Variants in PDE4D observed in about 807,000 individuals in gnomAD.
The protein encoded by PDE4D is phosphodiesterase 4D, also known as 3',5'-cyclic-AMP phosphodiesterase 4D.
PDE4D carries 24 observed loss-of-function variants against 87.4 expected under a neutral mutation model. The ratio of observed to expected loss-of-function variants is 0.27; its 90% CI spans 0.20 to 0.39. The LOEUF (loss-of-function observed/expected upper bound fraction) is 0.39. PDE4D is among the 10% of genes least tolerant of loss of function. PDE4D has a pLI of 1.00. For missense variants in PDE4D, 714 were observed against 1,041.0 expected (o/e 0.69, Z 4.32); for synonymous variants, 384 against 383.2 (o/e 1.00, Z -0.02).
chr5:59,200,015 A>G (rs1443733699), intron 2 of PDE4D, among the ~76,000 whole-genome samples: 1 of 125,804 alleles, frequency 7.9e-6, no homozygotes, highest in African/African-American at 2.5e-5. Context: ...ACATACATAC[A>G]TGCACATATA....
intron 3 of PDE4D, among the ~76,000 whole-genome samples, chr5:59,933,996 T>G (rs1389394783): frequency 6.6e-6 from 1 of 152,132 alleles, no homozygotes; most frequent in Non-Finnish European, 1.5e-5. Flanking sequence ...TCTTTTTATT[T>G]TTTTTGAGAC....
In PDE4D at chr5:60,505,944, A is replaced by G. The variant is rs147127152; in HGVS notation, n.70+16107T>C. ...TATGCTGCCTGTCTCTAGCCCAGTC[A>G]GGAAGCAGCTGAAAAGCCCACACAG... On this transcript the variant is annotated intron_variant and non_coding_transcript_variant, in intron 1 of 2. Transcript: ENST00000506510. Among the ~76,000 whole-genome samples, 123 of 152,354 alleles carry G rather than the reference A, an allele frequency of 8.1e-4. 1 individual carries two copies. In the Middle Eastern group the frequency reaches 0.02, roughly 25 times the overall value.
At chr5:59,728,754 G>A (rs1220914842) in intron 1 of PDE4D, among the ~76,000 whole-genome samples, 1 of 152,044 alleles carries the variant, frequency 6.6e-6, no homozygotes, top group Non-Finnish European at 1.5e-5. Context: ...GTTATAAAAT[G>A]TAACTAATGA....
Position 59,308,084 on chromosome 5 carries a change from C to T in PDE4D, c.456-92116G>A, listed in dbSNP as rs200891366. ...TAGGGACATGGATGAAATTGGAAAT[C>T]ATCATTCTCAGTAAACTATCGCAAG... On this transcript the variant is annotated intron_variant, in intron 1 of 14. Transcript: ENST00000340635. Among the ~76,000 whole-genome samples the T allele has an allele frequency of 3.3e-5, 5 of 152,006 alleles. No individual in the cohort carries two copies. The East Asian group carries it at 9.7e-4, about 30-fold the overall frequency.
chr5:59,526,492 C>A (rs1244289956), intron 1 of PDE4D, among the ~76,000 whole-genome samples: 3 of 152,136 alleles, frequency 2.0e-5, no homozygotes, highest in African/African-American at 7.2e-5. Context: ...TCAGGTAAAG[C>A]CAAACTCATA....
intron 1 of PDE4D, among the ~76,000 whole-genome samples, chr5:60,359,084 G>C (rs1387558681): frequency 2.0e-5 from 3 of 152,138 alleles, no homozygotes; most frequent in Admixed American, 1.3e-4. Flanking sequence ...GAATATATGT[G>C]GTCTTCCATA....
At chr5:59,750,692 T>C (rs375446912) in intron 1 of PDE4D, among the ~76,000 whole-genome samples, 4 of 152,132 alleles carry the variant, frequency 2.6e-5, no homozygotes, top group African/African-American at 7.2e-5. Flanking sequence ...TCCCAGCACT[T>C]TGGAAGGCCG....
Position 59,434,422 on chromosome 5 carries a change from C to T in PDE4D, c.456-218454G>A, listed in dbSNP as rs186812010. On this transcript the variant is annotated intron_variant, in intron 1 of 14. Coordinates refer to ENST00000340635, the MANE Select transcript of PDE4D (RefSeq NM_001104631.2). ...TGGAAGACTCCTTCCCTCCCCAACCCTCGTGTTTTCTGCTCATACCTGGAC... is the reference window on the plus strand; with the variant it reads ...TGGAAGACTCCTTCCCTCCCCAACCTTCGTGTTTTCTGCTCATACCTGGAC... 5.1e-3 allele frequency among the ~76,000 whole-genome samples: 770 copies of T among 152,144 alleles called. 4 individuals carry two copies. The highest frequency in any genetic ancestry group is 0.014 in the Middle Eastern group (4 of 292).
intron 1 of PDE4D, among the ~76,000 whole-genome samples, chr5:59,596,982 A>G (rs1020037875): frequency 1.8e-4 from 27 of 152,258 alleles, no homozygotes; most frequent in East Asian, 3.9e-4. Flanking sequence ...AGAAACACAG[A>G]GACAAAAAGA....
At chr5:60,064,450 C>T (rs1771825673) in intron 2 of PDE4D, among the ~76,000 whole-genome samples, 1 of 152,052 alleles carries the variant, frequency 6.6e-6, no homozygotes, top group Non-Finnish European at 1.5e-5. Context: ...ATACTCAGAG[C>T]TCTCGTTGTG....
intron 1 of PDE4D, among the ~76,000 whole-genome samples, chr5:59,312,109 T>G (rs1772794295): frequency 1.3e-5 from 2 of 152,150 alleles, no homozygotes; most frequent in Non-Finnish European, 2.9e-5. Context: ...TCTCCAAGCT[T>G]GTAGGAGGTA....
chr5:59,008,093 C>CCAG (rs1235966904), intron 6 of PDE4D, among the ~76,000 whole-genome samples: 2 of 151,942 alleles, frequency 1.3e-5, no homozygotes, highest in Admixed American at 6.6e-5. Flanking sequence ...TTACCTAAAA[C>CCAG]CAGCAGCAGC....
intron 2 of PDE4D, among the ~76,000 whole-genome samples, chr5:60,177,315 T>C (rs1784000402): frequency 6.6e-6 from 1 of 152,112 alleles, no homozygotes; most frequent in African/African-American, 2.4e-5. Context: ...GCTGCTGTCA[T>C]TGGAATACAA....
At chr5:59,672,219 T>C (rs1747334622) in intron 1 of PDE4D, among the ~76,000 whole-genome samples, 1 of 152,186 alleles carries the variant, frequency 6.6e-6, no homozygotes, top group Non-Finnish European at 1.5e-5. Flanking sequence ...TTTATACTTC[T>C]CTTTGCAACT....
At chr5:59,331,329 C>T (rs975066694) in intron 1 of PDE4D, among the ~76,000 whole-genome samples, 2 of 152,266 alleles carry the variant, frequency 1.3e-5, no homozygotes, top group South Asian at 4.1e-4. Context: ...CGGGAGACCT[C>T]TCCTCTTGGC....
intron 1 of PDE4D, among the ~76,000 whole-genome samples, chr5:59,406,190 G>A (rs1791579226): frequency 6.6e-6 from 1 of 152,088 alleles, no homozygotes; most frequent in African/African-American, 2.4e-5. Context: ...TTTTCATTAT[G>A]GCTTCAATCT....
At chr5:60,197,076 G>GACAGA (rs1583041320) in intron 1 of PDE4D, among the ~76,000 whole-genome samples, 6 of 73,198 alleles carry the variant, frequency 8.2e-5, no homozygotes, top group East Asian at 4.8e-4. Flanking sequence ...TAGATAGACA[G>GACAGA]TTAGATAGAT....
intron 5 of PDE4D, among the ~76,000 whole-genome samples, chr5:59,158,154 A>G (rs1780518615): frequency 6.6e-6 from 1 of 152,178 alleles, no homozygotes; most frequent in Non-Finnish European, 1.5e-5. Flanking sequence ...ATGATCTTTC[A>G]TGTGTCAGAC....
intron 3 of PDE4D, among the ~76,000 whole-genome samples, chr5:59,913,873 C>T (rs2152772385): frequency 6.6e-6 from 1 of 152,098 alleles, no homozygotes; most frequent in Non-Finnish European, 1.5e-5. Flanking sequence ...GTTTTTTTGG[C>T]ATGAAATTGT....
Sources: gnomAD v4.1 joint callset for allele counts (sites outside exome capture counted in the v4.1 genomes callset) on GRCh38, gnomAD v4.1.1 for gene constraint, MANE v1.5 for transcripts, NCBI Gene and HGNC (gene_info 2026-07-23, HGNC 2026-07-21) for gene names.